YAF2: variants seen among roughly 807,000 people sequenced by gnomAD.
YAF2 encodes YY1 associated factor 2.
In YAF2, 7 loss-of-function variants were observed where a neutral mutation model predicts 20.1. The ratio of observed to expected loss-of-function variants is 0.35; its 90% CI spans 0.20 to 0.65. The LOEUF (loss-of-function observed/expected upper bound fraction) is 0.65, where lower values mean the gene tolerates loss of function less well. Among genes scored for constraint, YAF2 ranks in the 30% least tolerant of loss-of-function variants. The probability of loss-of-function intolerance (pLI) is 0.69; values close to 1 mark genes in which losing one functional copy is unlikely to be tolerated. For synonymous variants in YAF2, 74 were observed against 76.0 expected (o/e 0.97, Z 0.14); for missense variants, 151 against 219.2 (o/e 0.69, Z 1.96).
intron 2 of YAF2, among the ~76,000 whole-genome samples, chr12:42,230,171 C>A (rs192275824): frequency 1.3e-5 from 2 of 152,092 alleles, no homozygotes; most frequent in Non-Finnish European, 1.5e-5. Context: ...GCAGGAGAAT[C>A]GCTCAAATCT....
chr12:42,229,739 C>T (rs1307913374), intron 2 of YAF2, among the ~76,000 whole-genome samples: 1 of 152,226 alleles, frequency 6.6e-6, no homozygotes, highest in Non-Finnish European at 1.5e-5. Context: ...TCTGAAGCTA[C>T]AGGTGTACAG....
chr12:42,206,420 C>T (rs552716127), intron 2 of YAF2, among the ~76,000 whole-genome samples: 106 of 151,898 alleles, frequency 7.0e-4, no homozygotes, highest in African/African-American at 2.4e-3. Context: ...ACCAGCTTGG[C>T]CAACATGGCA....
intron 2 of YAF2, chr12:42,232,761 A>G (rs1423188242): frequency 1.0e-6 from 1 of 985,168 alleles, no homozygotes; most frequent in African/African-American, 1.8e-5. Flanking sequence ...CTACCAGATG[A>G]TAGTTGGTTT....
At chr12:42,237,497 C>T in intron 2 of YAF2, 102 bp downstream of exon 2, 1 of 1,364,596 alleles carries the variant, frequency 7.3e-7, no homozygotes, top group South Asian at 1.6e-5. Context: ...TGCCTCCTCC[C>T]GCCGGGTCCG....
chr12:42,213,838 C>G (rs980847512), intron 2 of YAF2, among the ~76,000 whole-genome samples: 4 of 152,122 alleles, frequency 2.6e-5, no homozygotes, highest in African/African-American at 9.7e-5. Context: ...GGTACAAACT[C>G]ATTCTCTTTT....
At chr12:42,227,066 C>G (rs906583229) in intron 2 of YAF2, among the ~76,000 whole-genome samples, 5 of 145,124 alleles carry the variant, frequency 3.4e-5, no homozygotes, top group African/African-American at 5.1e-5. Context: ...CCGCAGCCGC[C>G]GCCGCCCGAC....
intron 2 of YAF2, chr12:42,234,618 C>G (rs1191471621): frequency 1.0e-6 from 1 of 984,886 alleles, no homozygotes; most frequent in Non-Finnish European, 1.2e-6. Flanking sequence ...ATGGATATAG[C>G]CAAAGGAAAT....
chr12:42,185,395 T>C (rs1313614940), intron 2 of YAF2, among the ~76,000 whole-genome samples: 2 of 152,210 alleles, frequency 1.3e-5, no homozygotes, highest in African/African-American at 4.8e-5. Context: ...GAATATTACA[T>C]AAACTTAATT....
chr12:42,190,810 T>C (rs2066593618), intron 2 of YAF2, among the ~76,000 whole-genome samples: 2 of 152,136 alleles, frequency 1.3e-5, no homozygotes, highest in East Asian at 3.8e-4. Flanking sequence ...GGTTTTTGTT[T>C]TGGGATTTGG....
At chr12:42,207,865 T>A (rs1379597771) in intron 2 of YAF2, among the ~76,000 whole-genome samples, 1 of 152,146 alleles carries the variant, frequency 6.6e-6, no homozygotes, top group Admixed American at 6.5e-5. Flanking sequence ...CACTCCAGCC[T>A]GGGCGACAGA....
chr12:42,227,968 A>T (rs2067798074), intron 2 of YAF2, among the ~76,000 whole-genome samples: 1 of 134,536 alleles, frequency 7.4e-6, no homozygotes, highest in Admixed American at 7.2e-5. Flanking sequence ...TCCGGGAGGG[A>T]GGTGGGGGGG....
intron 2 of YAF2, among the ~76,000 whole-genome samples, chr12:42,171,627 G>A (rs2066051106): frequency 6.6e-6 from 1 of 152,084 alleles, no homozygotes; most frequent in South Asian, 2.1e-4. Flanking sequence ...CCAGAACTGG[G>A]TATATAACTC....
chr12:42,225,988 A>G (rs2067681557), intron 2 of YAF2, among the ~76,000 whole-genome samples: 1 of 152,174 alleles, frequency 6.6e-6, no homozygotes, highest in Non-Finnish European at 1.5e-5. Flanking sequence ...TTTTCACAAT[A>G]TTGATTCTTC....
At chr12:42,228,111 C>T (rs2067811470) in intron 2 of YAF2, among the ~76,000 whole-genome samples, 1 of 89,652 alleles carries the variant, frequency 1.1e-5, no homozygotes, top group African/African-American at 4.9e-5. Flanking sequence ...TGAGGAGCCC[C>T]TCTGCCCGGC....
chr12:42,194,014 T>A (rs969182827), intron 2 of YAF2, among the ~76,000 whole-genome samples: 2 of 152,128 alleles, frequency 1.3e-5, no homozygotes, highest in African/African-American at 4.8e-5. Flanking sequence ...GCACACAGAA[T>A]AAGGATATAA....
chr12:42,176,681 G>T (rs577370531), intron 2 of YAF2, among the ~76,000 whole-genome samples: 14 of 152,130 alleles, frequency 9.2e-5, no homozygotes, highest in African/African-American at 2.9e-4. Flanking sequence ...TAACATCCCG[G>T]CCAGGTATGG....
chr12:42,237,573 G>T lies in YAF2; in HGVS notation c.152+26C>A. On this transcript the variant is annotated intron_variant, in intron 2 of 3. Transcript: ENST00000534854. ...CTGGTCGCCACCCCGCCGGCCGGCG[G>T]CGCGAGGGGCAGGCCCGGGACTCAC... The T allele has an allele frequency of 1.3e-6, 2 of 1,494,604 alleles. 1 individual carries two copies. The highest frequency in any genetic ancestry group is 1.8e-6 in the Non-Finnish European group (2 of 1,121,414). 92.6% of individuals were successfully genotyped at this position (1,494,604 alleles called of 1,614,324 possible). A position where few individuals can be genotyped will look rare whatever the true frequency, so the allele number is the denominator to read the frequency against.
chr12:42,214,664 C>T (rs1187543161), intron 2 of YAF2, among the ~76,000 whole-genome samples: 1 of 152,080 alleles, frequency 6.6e-6, no homozygotes, highest in Non-Finnish European at 1.5e-5. Context: ...TGTTGCCACA[C>T]TCTGCAATGA....
chr12:42,203,773 T>C (rs929704954), intron 2 of YAF2, among the ~76,000 whole-genome samples: 5 of 152,244 alleles, frequency 3.3e-5, no homozygotes, highest in African/African-American at 7.2e-5. Context: ...TTCCCTTGTA[T>C]AGTCTTTCCA....
Sources: gnomAD v4.1 joint callset for allele counts (sites outside exome capture counted in the v4.1 genomes callset) on GRCh38, gnomAD v4.1.1 for gene constraint, MANE v1.5 for transcripts, NCBI Gene and HGNC (gene_info 2026-07-23, HGNC 2026-07-21) for gene names.